Variants in LGSN observed in about 807,000 individuals in gnomAD.
The protein encoded by LGSN is lengsin, lens protein with glutamine synthetase domain, also known as lengsin.
Under a neutral mutation model 19.5 loss-of-function variants are expected in LGSN, and 21 were observed. The ratio of observed to expected loss-of-function variants is 1.07; its 90% confidence interval spans 0.76 to 1.55. The LOEUF is 1.55. Among genes scored for constraint, LGSN ranks in the 40% most tolerant of loss-of-function variants. The pLI is 0.00. For synonymous variants in LGSN, 257 were observed against 215.6 expected, an observed-to-expected ratio of 1.19 and a Z score of -1.68; for missense variants, 673 against 608.5, an observed-to-expected ratio of 1.11 and a Z score of -1.12.
the LGSN span, among the ~76,000 whole-genome samples, chr6:63,447,044 C>T: frequency 2.6e-5 from 4 of 152,172 alleles, no homozygotes; most frequent in East Asian, 1.9e-4. Context: ...AGTGAAACTC[C>T]GTCTCAAAAA....
At chr6:63,489,313 G>T in the LGSN span, among the ~76,000 whole-genome samples, 1 of 152,110 alleles carries the variant, frequency 6.6e-6, no homozygotes, top group Non-Finnish European at 1.5e-5. Context: ...TATCTAAATA[G>T]CCTGGAATAA....
At position 63,291,748 on chromosome 6, in the gene LGSN, G is replaced by C. The variant is rs1029557603; in HGVS notation, c.163+3165C>G. Among the ~76,000 whole-genome samples the C allele has an allele frequency of 2.0e-5, 3 of 152,192 alleles. No individual in the cohort carries two copies. In the East Asian group the frequency reaches 5.8e-4, roughly 29 times the overall value. On this transcript the variant is annotated intron_variant, in intron 2 of 3. Transcript: ENST00000370657. ...GCCCTCTTCTATGCAGTATTTCCCT[G>C]CCTCTTTTCGGTATCAGTAGGCAGA...
chr6:63,484,914 C>G, the LGSN span, among the ~76,000 whole-genome samples: 1 of 152,160 alleles, frequency 6.6e-6, no homozygotes, highest in Non-Finnish European at 1.5e-5. Context: ...TGTGGACACC[C>G]TGTATCTCCC....
At chr6:63,545,742 C>A in the LGSN span, among the ~76,000 whole-genome samples, 1 of 152,114 alleles carries the variant, frequency 6.6e-6, no homozygotes, top group East Asian at 1.9e-4. Context: ...GAACCAAAAT[C>A]TGAATATTAT....
chr6:63,307,609 C>T (rs914000105), intron 1 of LGSN, among the ~76,000 whole-genome samples: 1 of 152,216 alleles, frequency 6.6e-6, no homozygotes, highest in African/African-American at 2.4e-5. Context: ...AAATATTTGA[C>T]CATTTATCAA....
the LGSN span, chr6:63,480,214 G>T: frequency 9.0e-6 from 2 of 221,626 alleles, no homozygotes; most frequent in Non-Finnish European, 1.0e-5. Context: ...GCAACAAGGG[G>T]TATGTGCCAT....
In LGSN at chr6:63,280,910, C is replaced by A. The variant is rs1767280970; in HGVS notation, c.641G>T (p.Gly214Val). ...SAFIYDFCIFGVPEILNSKII... is the reference protein window; with the variant it reads ...SAFIYDFCIFVVPEILNSKII... ...CTTTGAATTTAAAATTTCGGGCACA[C>A]CAAAAATGCAAAAATCATAGATGAA... Residue 214 changes from glycine to valine, a missense_variant, in exon 4 of 4, where the codon GGT becomes GTT. Physicochemically the swap from Gly to Val is moderately radical, Grantham distance 109. Coordinates refer to ENST00000370657, the MANE Select transcript of LGSN (RefSeq NM_016571.3). The A allele has an allele frequency of 6.2e-7, 1 of 1,613,902 alleles. No homozygotes were observed. The highest frequency in any genetic ancestry group is 2.2e-5 in the East Asian group (1 of 44,872).
Position 63,313,866 on chromosome 6 carries a change from A to AC in LGSN, c.30+6047_30+6048insG, listed in dbSNP as rs1161027269. 9.9e-5 allele frequency among the ~76,000 whole-genome samples: 15 copies of AC among 151,188 alleles called. No homozygotes were observed. In the South Asian group the frequency reaches 1.5e-3, roughly 15 times the overall value. On this transcript the variant is annotated intron_variant, in intron 1 of 3. Transcript: ENST00000370657. ...TAAATAAATAAATAAATAAATAAAT[A>AC]AATACATACATACATACATACATAC...
the LGSN span, among the ~76,000 whole-genome samples, chr6:63,347,675 A>G: frequency 6.6e-6 from 1 of 152,234 alleles, no homozygotes; most frequent in African/African-American, 2.4e-5. Flanking sequence ...ATTTCATGAA[A>G]TAAGATAACT....
At chr6:63,412,468 G>GAA in the LGSN span, among the ~76,000 whole-genome samples, 4 of 99,658 alleles carry the variant, frequency 4.0e-5, no homozygotes, top group African/African-American at 2.1e-4. Context: ...GAAAGAAAAA[G>GAA]AGAGAGAAGA....
the LGSN span, among the ~76,000 whole-genome samples, chr6:63,432,109 GAAAGAAAGAAA>G: frequency 1.3e-5 from 1 of 78,756 alleles, no homozygotes; most frequent in African/African-American, 5.1e-5. Flanking sequence ...AAGAAAGAAA[GAAAGAAAGAAA>G]GAAAGAAAGA....
chr6:63,331,536 C>T, the LGSN span, among the ~76,000 whole-genome samples: 9 of 152,124 alleles, frequency 5.9e-5, no homozygotes, highest in East Asian at 1.9e-4. Flanking sequence ...CAAAACCGCC[C>T]GTGGTTTTGG....
chr6:63,348,027 CAAGT>C, the LGSN span, among the ~76,000 whole-genome samples: 1 of 151,680 alleles, frequency 6.6e-6, no homozygotes, highest in South Asian at 2.1e-4. Flanking sequence ...CTCCTTTCTC[CAAGT>C]AAGAAAAAAA....
At chr6:63,286,507 C>T (rs1767541851) in intron 2 of LGSN, among the ~76,000 whole-genome samples, 1 of 152,088 alleles carries the variant, frequency 6.6e-6, no homozygotes, top group African/African-American at 2.4e-5. Flanking sequence ...CTAATCTAAC[C>T]AACTCGTTAG....
chr6:63,494,454 T>G, the LGSN span, among the ~76,000 whole-genome samples: 2 of 151,962 alleles, frequency 1.3e-5, no homozygotes, highest in Non-Finnish European at 2.9e-5. Context: ...AGATAAATAA[T>G]GAAACATGAG....
At chr6:63,385,738 C>A in the LGSN span, among the ~76,000 whole-genome samples, 8 of 152,206 alleles carry the variant, frequency 5.3e-5, no homozygotes, top group Non-Finnish European at 1.0e-4. Flanking sequence ...GAATTACAAT[C>A]TTGGATCTAT....
chr6:63,482,782 C>A, the LGSN span, among the ~76,000 whole-genome samples: 1 of 152,140 alleles, frequency 6.6e-6, no homozygotes, highest in South Asian at 2.1e-4. Flanking sequence ...CTCGCTGCAA[C>A]CTCCACCTTC....
chr6:63,399,944 A>G, the LGSN span, among the ~76,000 whole-genome samples: 1 of 152,066 alleles, frequency 6.6e-6, no homozygotes, highest in Non-Finnish European at 1.5e-5. Flanking sequence ...GCCTCAAGTG[A>G]TCTTCCCACT....
chr6:63,573,173 G>T, the LGSN span: 1 of 154,414 alleles, frequency 6.5e-6, no homozygotes, highest in Non-Finnish European at 1.4e-5. Flanking sequence ...TTGTTCGGCC[G>T]GAGGAGAGTG....
Sources: gnomAD v4.1 joint callset for allele counts (sites outside exome capture counted in the v4.1 genomes callset) on GRCh38, gnomAD v4.1.1 for gene constraint, MANE v1.5 for transcripts, NCBI Gene and HGNC (gene_info 2026-07-23, HGNC 2026-07-21) for gene names.